Variants in NDRG4 observed in about 807,000 individuals in gnomAD.
The protein encoded by NDRG4 is NDRG family member 4, also known as protein NDRG4.
In NDRG4, 38 loss-of-function variants were observed where a neutral mutation model predicts 55.8. The ratio of observed to expected loss-of-function variants is 0.68; its 90% CI spans 0.53 to 0.89. NDRG4 has a LOEUF of 0.89. NDRG4 is among the 40% of genes least tolerant of loss of function. The pLI is 0.00. For synonymous variants in NDRG4, 190 were observed against 182.7 expected, an observed-to-expected ratio of 1.04 and a Z score of -0.32; for missense variants, 455 against 468.6, an observed-to-expected ratio of 0.97 and a Z score of 0.27.
At chr16:58,504,467 C>A (rs1333647295) in intron 4 of NDRG4, 46 bp downstream of exon 4, 1 of 1,611,834 alleles carries the variant, frequency 6.2e-7, no homozygotes, top group African/African-American at 1.3e-5. Flanking sequence ...GGGTGCCTAC[C>A]CCAACTGCAG....
chr16:58,509,260 A>G (rs757766428), intron 12 of NDRG4, 41 bp from the exon 13 acceptor site: 2 of 1,613,880 alleles, frequency 1.2e-6, no homozygotes, highest in African/African-American at 2.7e-5. Flanking sequence ...TGCTAATCCT[A>G]GGCAGCCAAT....
rs1597324214 is a variant in NDRG4, at chr16:58,506,459, T to C, written c.445T>C (p.Trp149Arg). 1 of 1,505,864 alleles carries C rather than the reference T, an allele frequency of 6.6e-7. No homozygotes were observed. The highest frequency in any genetic ancestry group is 8.9e-7 in the Non-Finnish European group (1 of 1,118,080). The allele number at this position is 1,505,864 out of a possible 1,614,324, so 93.3% of individuals were successfully genotyped here. ...CCCCAATGGCAAAGGCTGGATAGAC[T>C]GGGCTGCCACCAAGGTGTGTGTGGT... ...IDPNGKGWIDWAATKLSGLTS... is the reference protein window; with the variant it reads ...IDPNGKGWIDRAATKLSGLTS... Residue 149 changes from tryptophan (W) to arginine (R), a missense_variant, in exon 6 of 15, where the codon TGG becomes CGG. Trp to Arg is a moderately radical substitution (Grantham distance 101). Coordinates refer to ENST00000570248, the MANE Select transcript of NDRG4 (RefSeq NM_001242835.2).
At chr16:58,472,786 C>T (rs1420031211) in intron 1 of NDRG4, among the ~76,000 whole-genome samples, 1 of 152,124 alleles carries the variant, frequency 6.6e-6, no homozygotes, top group Non-Finnish European at 1.5e-5. Flanking sequence ...TGCTGGCTCA[C>T]AGACCGTCCT....
At chr16:58,486,196 C>G (rs1316167143) in intron 1 of NDRG4, among the ~76,000 whole-genome samples, 1 of 152,192 alleles carries the variant, frequency 6.6e-6, no homozygotes, top group East Asian at 1.9e-4. Flanking sequence ...CGGTCTTGCT[C>G]TGTCACTCAG....
intron 14 of NDRG4, chr16:58,511,054 T>G: frequency 2.1e-6 from 1 of 465,188 alleles, no homozygotes. Flanking sequence ...AACTCTGAAT[T>G]AGGGAATTAG....
chr16:58,466,801 C>G (rs2031779250), intron 1 of NDRG4, among the ~76,000 whole-genome samples: 1 of 152,236 alleles, frequency 6.6e-6, no homozygotes, highest in South Asian at 2.1e-4. Flanking sequence ...CTTCAGCCCT[C>G]TCATCTTAAA....
At chr16:58,488,260 C>T (rs1230179439) in intron 2 of NDRG4, among the ~76,000 whole-genome samples, 3 of 152,200 alleles carry the variant, frequency 2.0e-5, no homozygotes, top group Admixed American at 6.5e-5. Flanking sequence ...CCTTATCTGC[C>T]TCCCAAGCCT....
chr16:58,489,575 G>T (rs1281728704), intron 2 of NDRG4, among the ~76,000 whole-genome samples: 1 of 151,896 alleles, frequency 6.6e-6, no homozygotes, highest in African/African-American at 2.4e-5. Flanking sequence ...ACCCCAACAT[G>T]CTCTGGCCCT....
At chr16:58,500,517 G>C (rs980127014) in intron 1 of NDRG4, 9 of 505,746 alleles carry the variant, frequency 1.8e-5, no homozygotes, top group Admixed American at 3.6e-5. Flanking sequence ...CGTGTGGTTG[G>C]GGGGTGGGTG....
intron 1 of NDRG4, among the ~76,000 whole-genome samples, chr16:58,482,667 C>CCCTCCCTTCCTTCCTT: frequency 7.6e-6 from 1 of 130,756 alleles, no homozygotes; most frequent in Non-Finnish European, 1.5e-5. Flanking sequence ...CTCTTTCCAT[C>CCCTCCCTTCCTTCCTT]CCTCCCTTCC....
chr16:58,489,791 C>G (rs11649693), intron 2 of NDRG4, among the ~76,000 whole-genome samples: 9 of 152,234 alleles, frequency 5.9e-5, no homozygotes, highest in Non-Finnish European at 8.8e-5. Context: ...AAGTGCCCCC[C>G]TACTCCCCAC....
intron 1 of NDRG4, among the ~76,000 whole-genome samples, chr16:58,474,496 C>T (rs984090251): frequency 6.6e-6 from 1 of 152,308 alleles, no homozygotes; most frequent in South Asian, 2.1e-4. Context: ...GCCTCCCCTT[C>T]TCAGCAGGTG....
chr16:58,506,758 CA>C, intron 7 of NDRG4, 144 bp downstream of exon 7: 1 of 1,173,304 alleles, frequency 8.5e-7, no homozygotes, highest in South Asian at 1.3e-5. Flanking sequence ...CATCCCCTCC[CA>C]AGGCCCCACA....
chr16:58,492,358 G>A (rs908850880), intron 2 of NDRG4, among the ~76,000 whole-genome samples: 1 of 152,030 alleles, frequency 6.6e-6, no homozygotes, highest in Admixed American at 6.6e-5. Context: ...GGGACTTCAG[G>A]GGCCTCTGCA....
chr16:58,491,585 C>T (rs1567593706), intron 2 of NDRG4, among the ~76,000 whole-genome samples: 1 of 151,972 alleles, frequency 6.6e-6, no homozygotes, highest in Non-Finnish European at 1.5e-5. Context: ...CTCAGCCTCC[C>T]AAGTAGCTGG....
upstream of NDRG4, chr16:58,499,419 G>A (rs1257246476): frequency 6.6e-6 from 1 of 152,412 alleles, no homozygotes; most frequent in East Asian, 1.9e-4. Context: ...CCATACCCCT[G>A]GCCCTGCTAT....
At chr16:58,500,511 T>G (rs2151769170) in intron 1 of NDRG4, 175 of 262,662 alleles carry the variant, frequency 6.7e-4, no homozygotes, top group Middle Eastern at 2.6e-3. Flanking sequence ...GGGGAGCGTG[T>G]GGTTGGGGGG....
rs200758169 is a variant in NDRG4, at chr16:58,484,371, TA to T, written c.-23-3376del. Among the ~76,000 whole-genome samples the T allele has an allele frequency of 9.1e-3, 1,376 of 151,906 alleles. 23 individuals are homozygous for T. Among genetic ancestry groups the T allele is most frequent in the African/African-American group, 0.032 (1,311 of 41,438 alleles). ...CTGGGCGACAGAGTAAGAATCCGTC[TA>T]AAAAAAAATTTATATATTTATTGTT... On this transcript the variant is annotated intron_variant, in intron 1 of 15. Transcript: ENST00000258187.
Position 58,512,094 on chromosome 16 carries a change from C to T in NDRG4, c.*518C>T, listed in dbSNP as rs1246969546. 4.4e-6 allele frequency: 2 copies of T among 456,754 alleles called. No homozygotes were observed. Among genetic ancestry groups the T allele is most frequent in the Admixed American group, 4.7e-5 (2 of 42,590 alleles). 28.3% of individuals were successfully genotyped at this position (456,754 alleles called of 1,614,324 possible). A position where few individuals can be genotyped will look rare whatever the true frequency, so the allele number is the denominator to read the frequency against. ...AACAGCCACAAGGGGGCGCTCGGAC[C>T]AGGCAGCCACTTTCCTGGTGCTCTC... On this transcript the variant is annotated 3_prime_UTR_variant, in exon 15 of 15. Coordinates refer to ENST00000570248, the MANE Select transcript of NDRG4 (RefSeq NM_001242835.2).
Sources: gnomAD v4.1 joint callset for allele counts (sites outside exome capture counted in the v4.1 genomes callset) on GRCh38, gnomAD v4.1.1 for gene constraint, MANE v1.5 for transcripts, NCBI Gene and HGNC (gene_info 2026-07-23, HGNC 2026-07-21) for gene names.